The following PAX7 variants were observed in gnomAD, a reference collection of about 807,000 sequenced individuals.
The protein encoded by PAX7 is paired box 7.
In PAX7, 18 loss-of-function variants were observed where a neutral mutation model predicts 50.7. The observed-to-expected ratio is 0.36, with a 90% confidence interval of 0.25 to 0.53. The LOEUF (loss-of-function observed/expected upper bound fraction) is 0.53. Among genes scored for constraint, PAX7 ranks in the 20% least tolerant of loss-of-function variants. The pLI is 0.93. For missense variants in PAX7, 644 were observed against 702.9 expected, an observed-to-expected ratio of 0.92 and a Z score of 0.95; for synonymous variants, 310 against 290.4, an observed-to-expected ratio of 1.07 and a Z score of -0.69.
Position 18,682,948 on chromosome 1 carries a change from C to T in PAX7, c.587-8806C>T, listed in dbSNP as rs1197758405. ...TCTCCACCTGTCCCTGCACAGCTGC[C>T]CAGCTGCCTGGGTGGGGCAGGGCAC... On this transcript the variant is annotated intron_variant, in intron 4 of 8. Transcript: ENST00000420770. Among the ~76,000 whole-genome samples the T allele has an allele frequency of 2.0e-5, 3 of 152,162 alleles. No homozygotes were observed. The East Asian group carries it at 5.8e-4, about 29-fold the overall frequency.
chr1:18,639,460 C>T (rs746869813), intron 4 of PAX7, among the ~76,000 whole-genome samples: 3 of 151,080 alleles, frequency 2.0e-5, no homozygotes, highest in Non-Finnish European at 2.9e-5. Context: ...TGAGTATTCT[C>T]AGACCGTTGC....
chr1:18,669,343 G>A (rs528987135), intron 4 of PAX7, among the ~76,000 whole-genome samples: 1 of 152,252 alleles, frequency 6.6e-6, no homozygotes, highest in Non-Finnish European at 1.5e-5. Context: ...CTGGTGTCCC[G>A]AGTCAGTGGC....
intron 4 of PAX7, among the ~76,000 whole-genome samples, chr1:18,682,418 C>T (rs572385318): frequency 2.6e-5 from 4 of 152,152 alleles, no homozygotes; most frequent in Non-Finnish European, 5.9e-5. Context: ...AGCTGTTGGG[C>T]CCCATGGAGG....
chr1:18,730,791 C>G (rs1157226229), intron 7 of PAX7, among the ~76,000 whole-genome samples: 1 of 152,182 alleles, frequency 6.6e-6, no homozygotes, highest in South Asian at 2.1e-4. Flanking sequence ...GGGCCCCCAC[C>G]CCCAAACCAG....
chr1:18,698,702 C>G (rs2089179259), intron 5 of PAX7, among the ~76,000 whole-genome samples: 1 of 152,218 alleles, frequency 6.6e-6, no homozygotes, highest in Non-Finnish European at 1.5e-5. Flanking sequence ...CCCGGGGAAA[C>G]CCTCGGCGCC....
At chr1:18,666,874 G>A (rs1228542164) in intron 4 of PAX7, among the ~76,000 whole-genome samples, 1 of 152,214 alleles carries the variant, frequency 6.6e-6, no homozygotes, top group Admixed American at 6.5e-5. Flanking sequence ...AAGGAAGTGG[G>A]ATTGAATTTC....
rs1400585583 is a variant in PAX7 at position 18,748,578 on chromosome 1, A to C, written c.*3649A>C. The C allele has an allele frequency of 8.6e-6, 2 of 231,604 alleles. No homozygotes were observed. The highest frequency in any genetic ancestry group is 2.2e-5 in the African/African-American group (1 of 45,218). The allele number at this position is 231,604 out of a possible 1,614,324, so 14.3% of individuals were successfully genotyped here. On this transcript the variant is annotated 3_prime_UTR_variant, in exon 9 of 9. Coordinates refer to ENST00000420770, the MANE Select transcript of PAX7 (RefSeq NM_001135254.2). The stretch of plus-strand genomic sequence containing the variant: ...GGGAAATATTTACATAGTACTCTAG[A>C]TCATTCCTTCTTCCTAGTAACTGCA...
chr1:18,715,093 G>A (rs1570215629), intron 7 of PAX7, among the ~76,000 whole-genome samples: 1 of 152,148 alleles, frequency 6.6e-6, no homozygotes, highest in East Asian at 1.9e-4. Context: ...GTGACTTTGA[G>A]GGTCCCCAAA....
intron 4 of PAX7, among the ~76,000 whole-genome samples, chr1:18,673,494 C>A (rs1319832765): frequency 1.3e-5 from 2 of 152,164 alleles, no homozygotes; most frequent in African/African-American, 4.8e-5. Flanking sequence ...ATGTAACTAA[C>A]CTATGGTTGG....
rs763313664 is a variant in PAX7, at chr1:18,700,711, C to T, written c.845C>T (p.Ala282Val). Reference protein sequence around the residue: ...WRKQAGANQLAAFNHLLPGGF... With the variant: ...WRKQAGANQLVAFNHLLPGGF... ...AAGCAGGCAGGAGCCAACCAGCTGG[C>T]GGCGTTCAACCACCTTCTGCCAGGA... The change falls in exon 6 of 9, where the codon GCG becomes GTG. Residue 282 changes from alanine (A) to valine (V), a missense_variant. By Grantham distance (64) the Ala-to-Val change is moderately conservative (BLOSUM62 0). Coordinates refer to ENST00000420770, the MANE Select transcript of PAX7 (RefSeq NM_001135254.2). This position sits in a 1 kb window ranked among gnomAD's most constrained non-coding sequence, Gnocchi z 4.8. 8.6e-5 allele frequency: 137 copies of T among 1,601,344 alleles called. No homozygotes were observed. The highest frequency in any genetic ancestry group is 1.4e-4 in the East Asian group (6 of 43,002).
chr1:18,713,906 AGG>A (rs887019983), intron 7 of PAX7, among the ~76,000 whole-genome samples: 2 of 152,200 alleles, frequency 1.3e-5, no homozygotes, highest in African/African-American at 4.8e-5. Flanking sequence ...CATACAGACC[AGG>A]GCTCAAATGC....
chr1:18,729,494 G>A (rs765008711), intron 7 of PAX7, among the ~76,000 whole-genome samples: 1 of 152,234 alleles, frequency 6.6e-6, no homozygotes, highest in Non-Finnish European at 1.5e-5. Context: ...ATGTGTAAGT[G>A]TATTGGATGA....
chr1:18,653,381 C>T (rs2088464367), intron 4 of PAX7, among the ~76,000 whole-genome samples: 1 of 152,048 alleles, frequency 6.6e-6, no homozygotes, highest in South Asian at 2.1e-4. Context: ...TGCAACGGTG[C>T]TGTGTACGCA....
At chr1:18,691,733 C>T (rs1370161765) in intron 4 of PAX7, 21 bp from the exon 5 acceptor site, 7 of 1,554,294 alleles carry the variant, frequency 4.5e-6, no homozygotes, top group South Asian at 1.2e-5. Context: ...TGCCTTCTCC[C>T]TCCCTCTCCT....
At chr1:18,716,507 T>TGTTTG (rs57933353) in intron 7 of PAX7, among the ~76,000 whole-genome samples, 2 of 149,800 alleles carry the variant, frequency 1.3e-5, no homozygotes, top group East Asian at 4.0e-4. Flanking sequence ...GTTTTTTGTT[T>TGTTTG]TTTGTTTTTT....
intron 4 of PAX7, among the ~76,000 whole-genome samples, chr1:18,659,217 C>T (rs1237325006): frequency 1.1e-4 from 16 of 152,196 alleles, no homozygotes; most frequent in Admixed American, 1.0e-3. Flanking sequence ...GACCAGTCAA[C>T]TACATTTTAT....
chr1:18,738,548 C>A (rs1311256079), intron 8 of PAX7, among the ~76,000 whole-genome samples: 3 of 152,030 alleles, frequency 2.0e-5, no homozygotes, highest in Non-Finnish European at 2.9e-5. Flanking sequence ...CCCCCACCAC[C>A]CCCTACTCCA....
At chr1:18,676,024 A>G (rs1031691653) in intron 4 of PAX7, among the ~76,000 whole-genome samples, 4 of 152,166 alleles carry the variant, frequency 2.6e-5, no homozygotes, top group Admixed American at 6.5e-5. Flanking sequence ...TGCCTGACAT[A>G]ATACGTAACA....
chr1:18,660,953 T>G (rs954972805), intron 4 of PAX7, among the ~76,000 whole-genome samples: 1 of 152,098 alleles, frequency 6.6e-6, no homozygotes, highest in Non-Finnish European at 1.5e-5. Context: ...GTTAGGGTTT[T>G]GTAAGGCTGA....
Sources: gnomAD v4.1 joint callset for allele counts (sites outside exome capture counted in the v4.1 genomes callset) on GRCh38, gnomAD v4.1.1 for gene constraint, Gnocchi (gnomAD v3.1) non-coding constraint, MANE v1.5 for transcripts, NCBI Gene and HGNC (gene_info 2026-07-23, HGNC 2026-07-21) for gene names.